USP25: variants seen among roughly 807,000 people sequenced by gnomAD.
USP25 encodes the protein ubiquitin carboxyl-terminal hydrolase 25.
In USP25, 85 loss-of-function variants were observed where a neutral mutation model predicts 158.5. That is an observed-to-expected ratio of 0.54 (90% CI 0.45 to 0.64). The LOEUF (loss-of-function observed/expected upper bound fraction) is 0.64. Ranked by LOEUF, USP25 falls within the 30% of genes least tolerant of loss-of-function variation. The pLI is 0.00. For missense variants in USP25, 1,242 were observed against 1,327.3 expected, an observed-to-expected ratio of 0.94 and a Z score of 1.00; for synonymous variants, 464 against 460.4, an observed-to-expected ratio of 1.01 and a Z score of -0.10.
intron 9 of USP25, among the ~76,000 whole-genome samples, chr21:15,817,860 A>G (rs1247315836): frequency 6.6e-6 from 1 of 152,124 alleles, no homozygotes; most frequent in East Asian, 1.9e-4. Context: ...TTAAGATGAG[A>G]TTTGAGTGGG....
intron 24 of USP25, chr21:15,876,788 C>T (rs1483378060): frequency 6.6e-6 from 1 of 152,150 alleles, no homozygotes; most frequent in East Asian, 1.9e-4. Flanking sequence ...GACTTAATAG[C>T]ACAACCATCT....
chr21:15,798,035 G>A (rs1484201146), intron 5 of USP25, among the ~76,000 whole-genome samples: 2 of 151,186 alleles, frequency 1.3e-5, no homozygotes, highest in Non-Finnish European at 3.0e-5. Context: ...GGTATTCAGA[G>A]GAGATTTTGG....
Position 15,870,120 on chromosome 21 carries a change from T to C in USP25, c.2858T>C (p.Ile953Thr). Residue 953 changes from isoleucine to threonine, a missense_variant, in exon 23 of 26, where the codon ATT (isoleucine) becomes ACT (threonine). Transcript: ENST00000400183. ...KFRETTMYLIIGLENFQRESY... is the reference protein window; with the variant it reads ...KFRETTMYLITGLENFQRESY... ...AGGGAAACAACTATGTATCTCATAA[T>C]TGGGCTAGAAAATTTTCAAAGAGAA... 14 of 1,609,704 alleles carry C rather than the reference T, an allele frequency of 8.7e-6. No individual in the cohort carries two copies. Among genetic ancestry groups the C allele is most frequent in the Non-Finnish European group, 1.2e-5 (14 of 1,178,076 alleles).
chr21:15,755,367 TTTG>T (rs1293477891), intron 1 of USP25, among the ~76,000 whole-genome samples: 3 of 152,216 alleles, frequency 2.0e-5, no homozygotes, highest in African/African-American at 7.2e-5. Context: ...GTTTTTCTCC[TTTG>T]TTGTCAGTGG....
At chr21:15,825,140 G>T in intron 12 of USP25, 79 bp downstream of exon 12, 1 of 1,098,248 alleles carries the variant, frequency 9.1e-7, no homozygotes, top group East Asian at 2.5e-5. Context: ...TTTCAAATTT[G>T]CTTTGAGTGA....
rs529419094 is a variant in USP25, at chr21:15,730,358, GCCA to G, written c.-33_-31del. 1,196 of 1,170,306 alleles carry G rather than the reference GCCA, an allele frequency of 1.0e-3. 8 individuals carry two copies. The African/African-American group carries it at 0.021, about 20-fold the overall frequency. The allele number at this position is 1,170,306 out of a possible 1,614,324, so 72.5% of individuals were successfully genotyped here. On this transcript the variant is annotated 5_prime_UTR_variant, in exon 1 of 26. Transcript: ENST00000400183. ...CCGGCGGAGGCGCGAGGAGCCGGGC[GCCA>G]CCGCCGCCGCCGCCGCCGCCGCCGC...
intron 5 of USP25, among the ~76,000 whole-genome samples, chr21:15,798,372 T>C (rs560134532): frequency 2.4e-4 from 37 of 151,484 alleles, no homozygotes; most frequent in African/African-American, 8.9e-4. Flanking sequence ...TTGAAAGCCC[T>C]TGTTTTCTCC....
At chr21:15,805,378 C>A (rs2036330789) in intron 7 of USP25, 120 bp downstream of exon 7, 3 of 1,022,160 alleles carry the variant, frequency 2.9e-6, no homozygotes, top group Non-Finnish European at 3.9e-6. Context: ...TTAAAAATAA[C>A]CTGGAACCAT....
chr21:15,737,868 TA>T (rs1289547958), intron 1 of USP25, among the ~76,000 whole-genome samples: 4 of 152,040 alleles, frequency 2.6e-5, no homozygotes, highest in Admixed American at 2.0e-4. Context: ...GGAATATTTG[TA>T]TTTTGCTTAC....
In USP25 at chr21:15,878,530, G is replaced by T; in HGVS notation, c.*55G>T. The stretch of plus-strand genomic sequence containing the variant: ...AAACTCTTTTTAGTTCTTAACCCTT[G>T]CCTTCCTGTCACAGGGTTTGCTTGT... On this transcript the variant is annotated 3_prime_UTR_variant, in exon 26 of 26. Transcript: ENST00000400183. 6.6e-7 allele frequency: 1 copy of T among 1,519,502 alleles called. No homozygotes were observed. The highest frequency in any genetic ancestry group is 8.9e-7 in the Non-Finnish European group (1 of 1,128,256). 94.1% of individuals were successfully genotyped at this position (1,519,502 alleles called of 1,614,324 possible). A position where few individuals can be genotyped will look rare whatever the true frequency, so the allele number is the denominator to read the frequency against.
At chr21:15,851,031 A>T (rs1311846288) in intron 20 of USP25, among the ~76,000 whole-genome samples, 1 of 152,004 alleles carries the variant, frequency 6.6e-6, no homozygotes, top group Non-Finnish European at 1.5e-5. Flanking sequence ...ACATTTCTTT[A>T]TAGTTTCTAG....
intron 20 of USP25, among the ~76,000 whole-genome samples, chr21:15,852,864 C>A (rs565122394): frequency 3.3e-5 from 5 of 152,022 alleles, no homozygotes; most frequent in African/African-American, 9.6e-5. Context: ...TGAGTGTAAC[C>A]CCTTTATGTA....
chr21:15,854,474 G>T (rs2039042018), intron 20 of USP25, among the ~76,000 whole-genome samples: 1 of 151,706 alleles, frequency 6.6e-6, no homozygotes, highest in African/African-American at 2.4e-5. Context: ...TATCTCTTCT[G>T]TCCTGCCACG....
At chr21:15,830,624 A>C (rs752647704) in intron 15 of USP25, 23 bp downstream of exon 15, 1 of 1,495,586 alleles carries the variant, frequency 6.7e-7, no homozygotes, top group Non-Finnish European at 9.1e-7. Context: ...TTGAGCTAGT[A>C]ATCATTGTCA....
At chr21:15,757,135 G>A (rs1361303266) in intron 1 of USP25, among the ~76,000 whole-genome samples, 2 of 152,160 alleles carry the variant, frequency 1.3e-5, no homozygotes, top group Admixed American at 1.3e-4. Context: ...TGCAGGAAAT[G>A]AAGGTTCAGG....
intron 5 of USP25, among the ~76,000 whole-genome samples, chr21:15,792,505 A>G (rs996873782): frequency 6.6e-6 from 1 of 151,598 alleles, no homozygotes; most frequent in Admixed American, 6.6e-5. Flanking sequence ...GTTCGTGATG[A>G]ATGCTTTTTC....
chr21:15,844,065 A>G (rs1249652535), intron 18 of USP25, among the ~76,000 whole-genome samples: 1 of 152,146 alleles, frequency 6.6e-6, no homozygotes, highest in Non-Finnish European at 1.5e-5. Flanking sequence ...GATGACAGGG[A>G]GACTATATGA....
chr21:15,731,287 ACTT>A (rs2030869128), intron 1 of USP25, among the ~76,000 whole-genome samples: 1 of 152,040 alleles, frequency 6.6e-6, no homozygotes, highest in Non-Finnish European at 1.5e-5. Context: ...CCATGATTTA[ACTT>A]CTTTTTTTAA....
In USP25 at chr21:15,730,458, C is replaced by A; in HGVS notation, c.45+20C>A. On this transcript the variant is annotated intron_variant, in intron 1 of 25. Transcript: ENST00000400183. ...CAGAAGGTGAGGCGAGTCCGCCAGC[C>A]GGCGGGCCCCACTTCTCCTTCCGAC... is the stretch of plus-strand genomic sequence containing the variant. The A allele has an allele frequency of 7.4e-7, 1 of 1,345,514 alleles. No individual in the cohort carries two copies. Among genetic ancestry groups the A allele is most frequent in the Non-Finnish European group, 9.6e-7 (1 of 1,042,126 alleles). The allele number at this position is 1,345,514 out of a possible 1,614,324, so 83.3% of individuals were successfully genotyped here.
Sources: allele counts gnomAD v4.1 joint callset (sites outside exome capture counted in the v4.1 genomes callset), GRCh38; gene constraint gnomAD v4.1.1; transcripts MANE v1.5; gene names NCBI Gene and HGNC (gene_info 2026-07-23, HGNC 2026-07-21).